CCKBR: variants seen among roughly 807,000 people sequenced by gnomAD.
CCKBR encodes the protein gastrin/cholecystokinin type B receptor.
Under a neutral mutation model 34.6 loss-of-function variants are expected in CCKBR, and 33 were observed. The observed-to-expected ratio is 0.95, with a 90% CI of 0.72 to 1.27. CCKBR has a LOEUF of 1.27. CCKBR is among the 50% of genes most tolerant of loss of function. The pLI is 0.00. For missense variants in CCKBR, 652 were observed against 617.4 expected, an observed-to-expected ratio of 1.06 and a Z score of -0.59; for synonymous variants, 269 against 267.5, an observed-to-expected ratio of 1.01 and a Z score of -0.06.
In CCKBR at chr11:6,271,011, G is replaced by T. The variant is rs199930350; in HGVS notation, c.812G>T (p.Gly271Val). 17 of 1,614,162 alleles carry T rather than the reference G, an allele frequency of 1.1e-5. No individual in the cohort carries two copies. The South Asian group carries it at 1.8e-4, about 17-fold the overall frequency. The change falls in exon 5 of 5, where the codon GGG becomes GTG. Residue 271 changes from glycine (G) to valine (V), a missense_variant and splice_region_variant. Physicochemically the swap from Gly to Val is moderately radical, Grantham distance 109. Coordinates refer to ENST00000334619, the MANE Select transcript of CCKBR (RefSeq NM_176875.4). ...SRVRNQGGLP[G>V]AVHQNGRCRP... is the part of the protein sequence containing the mutation. ...CTGACCGCCCACCCTTTGTGCTCAG[G>T]GGCTGTTCACCAGAACGGGCGTTGC...
intron 1 of CCKBR, among the ~76,000 whole-genome samples, chr11:6,265,817 C>T (rs1848201248): frequency 6.6e-6 from 1 of 152,150 alleles, no homozygotes; most frequent in Non-Finnish European, 1.5e-5. Flanking sequence ...AAATCATAAC[C>T]TCTCACTGAC....
rs1372506488 is a variant in CCKBR at position 6,270,752 on chromosome 11, G to A, written c.760G>A (p.Asp254Asn). Residue 254 changes from aspartate (D) to asparagine (N), a missense_variant, in exon 4 of 5, where the codon GAC (aspartate) becomes AAC (asparagine). Asp to Asn is a conservative substitution (Grantham distance 23). Coordinates refer to ENST00000334619, the MANE Select transcript of CCKBR (RefSeq NM_176875.4). ...CTACTTAGGGCTTCGCTTTGACGGC[G>A]ACAGTGACAGCGACAGCCAAAGCAG... is the stretch of plus-strand genomic sequence containing the variant. The part of the protein sequence containing the change: ...ELYLGLRFDG[D>N]SDSDSQSRVR... 6.2e-6 allele frequency: 10 copies of A among 1,614,198 alleles called. No homozygotes were observed. The highest frequency in any genetic ancestry group is 1.7e-5 in the Admixed American group (1 of 60,034).
chr11:6,270,521 C>A, intron 3 of CCKBR, 125 bp from the exon 4 acceptor site: 1 of 1,365,328 alleles, frequency 7.3e-7, no homozygotes, highest in Non-Finnish European at 1.0e-6. Flanking sequence ...CCCAGCGGCA[C>A]CCCCAAATCC....
Position 6,270,187 on chromosome 11 carries a change from G to T in CCKBR, c.503G>T (p.Arg168Leu). 6.2e-7 allele frequency: 1 copy of T among 1,613,660 alleles called. No individual in the cohort carries two copies. Residue 168 changes from arginine (R) to leucine (L), a missense_variant, in exon 3 of 5, where the codon CGC (arginine) becomes CTC (leucine). By Grantham distance (102) the Arg-to-Leu change is moderately radical. Transcript: ENST00000334619. The part of the protein sequence containing the change: ...RPLQARVWQT[R>L]SHAARVIVAT... ...CTGCAGGCACGAGTGTGGCAGACGC[G>T]CTCCCACGCGGCTCGCGTGATTGTA...
At chr11:6,267,585 ATAAG>A (rs780439531) in intron 1 of CCKBR, among the ~76,000 whole-genome samples, 3 of 152,240 alleles carry the variant, frequency 2.0e-5, no homozygotes, top group African/African-American at 7.2e-5. Context: ...TTTTAAAAAA[ATAAG>A]TAAGAGTATA....
rs759591129 is a variant in CCKBR, at chr11:6,270,709, G to A, written c.717G>A (p.Gly239=). The change falls in exon 4 of 5, where the codon GGG becomes GGA. Residue 239 remains glycine, a synonymous_variant. Coordinates refer to ENST00000334619, the MANE Select transcript of CCKBR (RefSeq NM_176875.4). ...GTGTGGTTATGGCCGTGGCCTACGGGCTTATCTCTCGCGAGCTCTACTTAG... is the reference window on the plus strand; with the variant it reads ...GTGTGGTTATGGCCGTGGCCTACGGACTTATCTCTCGCGAGCTCTACTTAG... ...IPGVVMAVAY[G]LISRELYLGL... is the part of the protein sequence containing the mutation. 1.9e-6 allele frequency: 3 copies of A among 1,614,068 alleles called. No homozygotes were observed. Among genetic ancestry groups the A allele is most frequent in the East Asian group, 2.2e-5 (1 of 44,896 alleles).
chr11:6,268,618 C>T (rs1465747333), intron 1 of CCKBR, among the ~76,000 whole-genome samples: 1 of 152,180 alleles, frequency 6.6e-6, no homozygotes, highest in African/African-American at 2.4e-5. Context: ...GTTTACTTCC[C>T]CACTGTGAGC....
intron 1 of CCKBR, among the ~76,000 whole-genome samples, chr11:6,263,030 GTTACAC>G (rs1239234111): frequency 6.6e-6 from 1 of 152,168 alleles, no homozygotes; most frequent in Non-Finnish European, 1.5e-5. Context: ...CCAGTCAGAT[GTTACAC>G]ACAGAGACCC....
intron 1 of CCKBR, among the ~76,000 whole-genome samples, chr11:6,266,213 C>A (rs11040827): frequency 0.18 from 26,880 of 151,940 alleles, 2,468 homozygotes; most frequent in Middle Eastern, 0.32. Context: ...CAGTATGGGC[C>A]AGGCGTAGTG....
intron 3 of CCKBR, 33 bp downstream of exon 3, chr11:6,270,370 CT>C: frequency 6.3e-7 from 1 of 1,594,220 alleles, no homozygotes. Context: ...CTAGGAATTC[CT>C]TTCTCACCCC....
At chr11:6,267,356 GAAA>G (rs56249698) in intron 1 of CCKBR, among the ~76,000 whole-genome samples, 3 of 146,920 alleles carry the variant, frequency 2.0e-5, no homozygotes, top group African/African-American at 7.6e-5. Context: ...TTTAACTTTA[GAAA>G]AAAAAAAAAC....
In CCKBR at chr11:6,271,094, C is replaced by T. The variant is rs1450663271; in HGVS notation, c.895C>T (p.Arg299Cys). Residue 299 changes from arginine (R) to cysteine (C), a missense_variant, in exon 5 of 5, where the codon CGT (arginine) becomes TGT (cysteine). Coordinates refer to ENST00000334619, the MANE Select transcript of CCKBR (RefSeq NM_176875.4). ...DSDGCYVQLP[R>C]SRPALELTAL... Reference sequence around the variant, plus strand: ...CGATGGCTGCTACGTGCAACTTCCACGTTCCCGGCCTGCCCTGGAGCTGAC... The same window carrying T: ...CGATGGCTGCTACGTGCAACTTCCATGTTCCCGGCCTGCCCTGGAGCTGAC... 1.2e-6 allele frequency: 2 copies of T among 1,614,152 alleles called. No homozygotes were observed. The highest frequency in any genetic ancestry group is 4.5e-5 in the East Asian group (2 of 44,882).
In CCKBR at chr11:6,270,219, T is replaced by G. The variant is rs774859017; in HGVS notation, c.535T>G (p.Trp179Gly). 2.9e-5 allele frequency: 46 copies of G among 1,613,270 alleles called. No homozygotes were observed. The highest frequency in any genetic ancestry group is 3.6e-5 in the Non-Finnish European group (42 of 1,180,036). ...SHAARVIVATWLLSGLLMVPY... is the reference protein window; with the variant it reads ...SHAARVIVATGLLSGLLMVPY... The stretch of plus-strand genomic sequence containing the variant: ...CGCGGCTCGCGTGATTGTAGCCACG[T>G]GGCTGCTGTCCGGACTACTCATGGT... The change falls in exon 3 of 5, where the codon TGG becomes GGG. Residue 179 changes from tryptophan (W) to glycine (G), a missense_variant. Physicochemically the swap from Trp to Gly is radical, Grantham distance 184. Transcript: ENST00000334619.
At chr11:6,261,450 A>ATATAT (rs1228835875) in intron 1 of CCKBR, among the ~76,000 whole-genome samples, 912 of 32,148 alleles carry the variant, frequency 0.028, 31 homozygotes, top group Middle Eastern at 0.052. Context: ...AAAAAAAAAA[A>ATATAT]AAAAATATAT....
At chr11:6,262,700 G>GAC in intron 1 of CCKBR, among the ~76,000 whole-genome samples, 1 of 141,646 alleles carries the variant, frequency 7.1e-6, no homozygotes, top group Non-Finnish European at 1.5e-5. Flanking sequence ...GAGAGAGAGA[G>GAC]AGAGAGAGAG....
chr11:6,262,864 T>G (rs1481182667), intron 1 of CCKBR, among the ~76,000 whole-genome samples: 1 of 152,160 alleles, frequency 6.6e-6, no homozygotes, highest in Admixed American at 6.5e-5. Flanking sequence ...TGTTGGTGAT[T>G]GGGCCGAGAG....
intron 3 of CCKBR, 117 bp downstream of exon 3, chr11:6,270,454 C>A: frequency 7.0e-7 from 1 of 1,430,430 alleles, no homozygotes; most frequent in Non-Finnish European, 9.5e-7. Flanking sequence ...AACTCCTATT[C>A]TGCATCCACC....
chr11:6,270,304 A>G lies in CCKBR; in HGVS notation c.620A>G (p.His207Arg). 1 of 1,613,360 alleles carries G rather than the reference A, an allele frequency of 6.2e-7. No homozygotes were observed. Among genetic ancestry groups the G allele is most frequent in the East Asian group, 2.2e-5 (1 of 44,882 alleles). ...PVGPRVLQCV[H>R]RWPSARVRQT... The stretch of plus-strand genomic sequence containing the variant: ...GGGCCTCGTGTGCTGCAGTGCGTGC[A>G]TCGCTGGCCCAGTGCGCGGGTCCGC... Residue 207 changes from histidine to arginine, a missense_variant, in exon 3 of 5, where the codon CAT becomes CGT. His to Arg is a conservative substitution (Grantham distance 29). Coordinates refer to ENST00000334619, the MANE Select transcript of CCKBR (RefSeq NM_176875.4).
Position 6,270,257 on chromosome 11 carries a change from G to A in CCKBR, c.573G>A (p.Val191=), listed in dbSNP as rs1423721530. The A allele has an allele frequency of 1.2e-6, 2 of 1,613,244 alleles. No individual in the cohort carries two copies. The highest frequency in any genetic ancestry group is 2.2e-5 in the East Asian group (1 of 44,888). ...LSGLLMVPYP[V]YTVVQPVGPR... ...GACTACTCATGGTGCCCTACCCCGT[G>A]TACACTGTCGTGCAACCAGTGGGGC... The change falls in exon 3 of 5, where the codon GTG becomes GTA. Residue 191 remains valine, a synonymous_variant. Coordinates refer to ENST00000334619, the MANE Select transcript of CCKBR (RefSeq NM_176875.4).
Sources: allele counts gnomAD v4.1 joint callset (sites outside exome capture counted in the v4.1 genomes callset), GRCh38; gene constraint gnomAD v4.1.1; transcripts MANE v1.5; gene names NCBI Gene and HGNC (gene_info 2026-07-23, HGNC 2026-07-21).